EPM2A: variants seen among roughly 807,000 people sequenced by gnomAD.
EPM2A encodes EPM2A glucan phosphatase, laforin.
EPM2A carries 21 observed loss-of-function variants against 26.5 expected under a neutral mutation model. That is an observed-to-expected ratio of 0.79 (90% CI 0.56 to 1.14). The LOEUF is 1.14. EPM2A is among the 50% of genes most tolerant of loss of function. The probability of loss-of-function intolerance (pLI) is 0.00; values close to 1 mark genes in which losing one functional copy is unlikely to be tolerated. For synonymous variants in EPM2A, 217 were observed against 177.6 expected, an observed-to-expected ratio of 1.22 and a Z score of -1.76; for missense variants, 458 against 440.8, an observed-to-expected ratio of 1.04 and a Z score of -0.35.
intron 2 of EPM2A, among the ~76,000 whole-genome samples, chr6:145,678,960 T>C (rs1269945861): frequency 2.0e-5 from 3 of 152,198 alleles, no homozygotes; most frequent in Non-Finnish European, 4.4e-5. Flanking sequence ...CGTATATTTA[T>C]TGCGGCATTA....
At chr6:145,426,975 A>G (rs1242601017) in intron 4 of EPM2A, among the ~76,000 whole-genome samples, 1 of 152,204 alleles carries the variant, frequency 6.6e-6, no homozygotes. Context: ...TACATAGTTC[A>G]TTCTGAATAA....
chr6:145,518,361 A>G (rs1780157861), intron 2 of EPM2A, among the ~76,000 whole-genome samples: 1 of 152,126 alleles, frequency 6.6e-6, no homozygotes, highest in Admixed American at 6.6e-5. Flanking sequence ...GAATGCACTC[A>G]TCTCATCCTT....
At chr6:145,391,271 C>G (rs1778333373) in intron 4 of EPM2A, among the ~76,000 whole-genome samples, 1 of 152,138 alleles carries the variant, frequency 6.6e-6, no homozygotes, top group African/African-American at 2.4e-5. Flanking sequence ...CAACCATCAG[C>G]CTGACACTGC....
At chr6:145,613,810 T>C (rs1184563893) in intron 2 of EPM2A, among the ~76,000 whole-genome samples, 1 of 152,202 alleles carries the variant, frequency 6.6e-6, no homozygotes, top group East Asian at 1.9e-4. Flanking sequence ...CAAGATTTGT[T>C]GTTTTATTTA....
chr6:145,444,294 G>A (rs374414122), intron 4 of EPM2A, among the ~76,000 whole-genome samples: 5 of 152,132 alleles, frequency 3.3e-5, no homozygotes, highest in African/African-American at 1.2e-4. Flanking sequence ...AGTTTATTGA[G>A]GATTTTCAAT....
rs145183673 is a variant in EPM2A at position 145,522,244 on chromosome 6, G to A, written c.341-19669C>T. Among the ~76,000 whole-genome samples, 763 of 152,162 alleles carry A rather than the reference G, an allele frequency of 5.0e-3. 4 individuals carry two copies. The highest frequency in any genetic ancestry group is 0.018 in the African/African-American group (739 of 41,526). ...TGGGATTACAGGCATGAGCCACCGCGCCTGGCCAAGTATTGCATGTTTTTA... is the reference window on the plus strand; with the variant it reads ...TGGGATTACAGGCATGAGCCACCGCACCTGGCCAAGTATTGCATGTTTTTA... On this transcript the variant is annotated intron_variant, in intron 2 of 3. Coordinates refer to the EPM2A transcript ENST00000450221.
At chr6:145,476,004 CAA>C (rs1168324239) in intron 4 of EPM2A, among the ~76,000 whole-genome samples, 2 of 151,826 alleles carry the variant, frequency 1.3e-5, no homozygotes, top group African/African-American at 4.8e-5. Context: ...GATGAAAAAA[CAA>C]GAGCCATTGA....
intron 4 of EPM2A, among the ~76,000 whole-genome samples, chr6:145,432,131 T>C (rs1197457636): frequency 6.6e-6 from 1 of 152,196 alleles, no homozygotes; most frequent in Non-Finnish European, 1.5e-5. Flanking sequence ...TTGCTTTCTC[T>C]TCTGAAGTCA....
intron 2 of EPM2A, among the ~76,000 whole-genome samples, chr6:145,651,776 A>G (rs1300195810): frequency 1.3e-5 from 2 of 152,206 alleles, no homozygotes; most frequent in Non-Finnish European, 2.9e-5. Context: ...CACACCCTCA[A>G]TAAGGATGCC....
chr6:145,438,425 A>G (rs549956083), intron 4 of EPM2A, among the ~76,000 whole-genome samples: 4 of 151,846 alleles, frequency 2.6e-5, no homozygotes, highest in African/African-American at 7.2e-5. Context: ...TTTCACACAA[A>G]GAGTTTAGGT....
chr6:145,708,603 A>G (rs1782359942), intron 1 of EPM2A, among the ~76,000 whole-genome samples: 2 of 152,110 alleles, frequency 1.3e-5, no homozygotes, highest in Admixed American at 1.3e-4. Context: ...AGGTTTGGGA[A>G]CCTCCACCTA....
intron 4 of EPM2A, among the ~76,000 whole-genome samples, chr6:145,440,807 A>G (rs1169315714): frequency 6.6e-6 from 1 of 152,230 alleles, no homozygotes; most frequent in African/African-American, 2.4e-5. Flanking sequence ...GGGCTCCCAC[A>G]GAGTTGGGCA....
chr6:145,429,012 T>A (rs765749715), intron 4 of EPM2A, among the ~76,000 whole-genome samples: 5 of 152,224 alleles, frequency 3.3e-5, no homozygotes, highest in Non-Finnish European at 7.3e-5. Flanking sequence ...AAGCGCCAAC[T>A]GAGCTTTCCA....
chr6:145,500,068 T>C (rs1039666010), downstream of EPM2A, among the ~76,000 whole-genome samples: 1 of 152,120 alleles, frequency 6.6e-6, no homozygotes, highest in Non-Finnish European at 1.5e-5. Flanking sequence ...CCAAGTGAAA[T>C]AGACTTTGGT....
chr6:145,637,191 C>T (rs749309627), intron 2 of EPM2A: 1 of 152,196 alleles, frequency 6.6e-6, no homozygotes, highest in Admixed American at 6.5e-5. Context: ...CTTTGCATTG[C>T]ATTGTAAAGA....
intron 2 of EPM2A, chr6:145,671,134 A>C (rs1779605764): frequency 1.5e-5 from 15 of 996,066 alleles, no homozygotes; most frequent in Non-Finnish European, 1.8e-5. Flanking sequence ...TTCTGTGGCT[A>C]TTCTCTGTTT....
intron 4 of EPM2A, among the ~76,000 whole-genome samples, chr6:145,418,963 T>C (rs1778744903): frequency 1.3e-5 from 2 of 152,226 alleles, no homozygotes; most frequent in Admixed American, 6.5e-5. Context: ...CTAACTGTTA[T>C]GGAACTTGAA....
chr6:145,591,553 A>T (rs1781273293), intron 2 of EPM2A, among the ~76,000 whole-genome samples: 1 of 152,212 alleles, frequency 6.6e-6, no homozygotes, highest in East Asian at 1.9e-4. Flanking sequence ...AAGTATTTAA[A>T]GTGTTGAAAG....
intron 2 of EPM2A, among the ~76,000 whole-genome samples, chr6:145,533,422 C>A (rs979462040): frequency 6.6e-6 from 1 of 152,130 alleles, no homozygotes; most frequent in Non-Finnish European, 1.5e-5. Flanking sequence ...AGATCATATG[C>A]TACTCCCCTT....
Sources: gnomAD v4.1 joint callset for allele counts (sites outside exome capture counted in the v4.1 genomes callset) on GRCh38, gnomAD v4.1.1 for gene constraint, MANE v1.5 for transcripts, NCBI Gene and HGNC (gene_info 2026-07-23, HGNC 2026-07-21) for gene names.